The following SBF2 variants were observed in gnomAD, a reference collection of about 807,000 sequenced individuals.
SBF2 encodes the protein SET binding factor 2.
SBF2 carries 112 observed loss-of-function variants against 225.2 expected under a neutral mutation model. The ratio of observed to expected loss-of-function variants is 0.50; its 90% CI spans 0.43 to 0.58. The LOEUF (loss-of-function observed/expected upper bound fraction) is 0.58, where lower values mean the gene tolerates loss of function less well. Among genes scored for constraint, SBF2 ranks in the 20% least tolerant of loss-of-function variants. The pLI is 0.00. For missense variants in SBF2, 1,996 were observed against 2,206.2 expected (o/e 0.90, Z 1.91); for synonymous variants, 763 against 773.3 (o/e 0.99, Z 0.22).
chr11:9,930,202 T>C (rs1413207883), intron 16 of SBF2, among the ~76,000 whole-genome samples: 2 of 152,172 alleles, frequency 1.3e-5, no homozygotes, highest in East Asian at 3.8e-4. Flanking sequence ...TTGAGCCTAG[T>C]TATAATGATT....
In SBF2 at chr11:9,808,949, A is replaced by G. The variant is rs765140117; in HGVS notation, c.4209T>C (p.Gly1403=). ...AVVVSEVLEN[G]SSVLVCLEEG... is the part of the protein sequence containing the mutation. ...CCTCCAAACAGACCAAAACTGAGGAACCATTCTCAAGTACTTCTGATACAA... is the reference window on the plus strand; with the variant it reads ...CCTCCAAACAGACCAAAACTGAGGAGCCATTCTCAAGTACTTCTGATACAA... Residue 1403 remains glycine, a synonymous_variant, in exon 31 of 40, where the codon GGT becomes GGC. Transcript: ENST00000256190. 2.0e-5 allele frequency: 32 copies of G among 1,614,066 alleles called. No individual in the cohort carries two copies. The South Asian group carries it at 3.3e-4, about 17-fold the overall frequency.
chr11:10,087,927 G>A (rs943291829), intron 2 of SBF2, among the ~76,000 whole-genome samples: 1 of 152,044 alleles, frequency 6.6e-6, no homozygotes, highest in African/African-American at 2.4e-5. Context: ...TTTGTTGCAG[G>A]TGTTTTTTGA....
At chr11:10,172,839 A>G (rs1227817875) in intron 2 of SBF2, among the ~76,000 whole-genome samples, 1 of 151,226 alleles carries the variant, frequency 6.6e-6, no homozygotes, top group Non-Finnish European at 1.5e-5. Flanking sequence ...GCTAATTTTT[A>G]TATTTTTTAG....
intron 13 of SBF2, among the ~76,000 whole-genome samples, chr11:9,971,522 A>G (rs1867327023): frequency 6.6e-6 from 1 of 152,028 alleles, no homozygotes; most frequent in Non-Finnish European, 1.5e-5. Flanking sequence ...CTACAAAAAA[A>G]TAAAAAATTA....
chr11:10,165,320 A>C (rs1955904533), intron 2 of SBF2, among the ~76,000 whole-genome samples: 1 of 152,192 alleles, frequency 6.6e-6, no homozygotes, highest in Admixed American at 6.5e-5. Flanking sequence ...ACAGATATTA[A>C]TCCAGTGTGA....
rs761339319 is a variant in SBF2 at position 9,839,710 on chromosome 11, G to A, written c.3257-14C>T. On this transcript the variant is annotated splice_polypyrimidine_tract_variant and intron_variant, in intron 25 of 39. Coordinates refer to ENST00000256190, the MANE Select transcript of SBF2 (RefSeq NM_030962.4). Reference sequence around the variant, plus strand: ...TCTCATCTGAAACTGTGATGGTAGAGACAGATATCGAAGAAATGATTAGCT... The same window carrying A: ...TCTCATCTGAAACTGTGATGGTAGAAACAGATATCGAAGAAATGATTAGCT... 3 of 1,608,204 alleles carry A rather than the reference G, an allele frequency of 1.9e-6. No individual in the cohort carries two copies. The highest frequency in any genetic ancestry group is 1.7e-6 in the Non-Finnish European group (2 of 1,175,652).
chr11:10,125,913 T>C, intron 2 of SBF2, among the ~76,000 whole-genome samples: 1 of 152,208 alleles, frequency 6.6e-6, no homozygotes, highest in East Asian at 1.9e-4. Context: ...TTTTCTGTGT[T>C]CTCATGCCTA....
At chr11:10,057,095 C>T (rs1392655918) in intron 2 of SBF2, among the ~76,000 whole-genome samples, 3 of 152,154 alleles carry the variant, frequency 2.0e-5, no homozygotes, top group Non-Finnish European at 4.4e-5. Flanking sequence ...GTTTCACAGC[C>T]TTCACTGGTG....
chr11:9,820,893 C>G (rs890370498), intron 28 of SBF2, among the ~76,000 whole-genome samples: 1 of 152,230 alleles, frequency 6.6e-6, no homozygotes, highest in African/African-American at 2.4e-5. Context: ...CAAACAGCTA[C>G]AGTTAAAAGG....
chr11:9,789,932 G>C (rs1179201952), intron 34 of SBF2, among the ~76,000 whole-genome samples: 2 of 152,224 alleles, frequency 1.3e-5, no homozygotes, highest in East Asian at 3.9e-4. Context: ...ATGTACCTTT[G>C]GTTTCTTGTA....
chr11:9,995,020 G>A lies in SBF2; in HGVS notation c.976-1022C>T, dbSNP rs185216715. Among the ~76,000 whole-genome samples, 409 of 141,824 alleles carry A rather than the reference G, an allele frequency of 2.9e-3. 2 individuals are homozygous for A. Among genetic ancestry groups the A allele is most frequent in the Non-Finnish European group, 4.6e-3 (302 of 66,144 alleles). 93.0% of individuals were successfully genotyped at this position (141,824 alleles called of 152,430 possible). The stretch of plus-strand genomic sequence containing the variant: ...CCACTGCACTCCAGCCTGGGCGACA[G>A]TTATAACAAGACTCTGTCTCAAAAA... On this transcript the variant is annotated intron_variant, in intron 9 of 39. Coordinates refer to ENST00000256190, the MANE Select transcript of SBF2 (RefSeq NM_030962.4).
At chr11:10,186,569 A>G (rs1002738627) in intron 2 of SBF2, among the ~76,000 whole-genome samples, 2 of 152,128 alleles carry the variant, frequency 1.3e-5, no homozygotes, top group African/African-American at 4.8e-5. Context: ...GTGTTCATCA[A>G]CCCAAAAGCT....
At chr11:10,253,118 C>CAAAAAAAAAAAAAAAAAAAA (rs546522229) in intron 1 of SBF2, among the ~76,000 whole-genome samples, 2 of 77,288 alleles carry the variant, frequency 2.6e-5, no homozygotes, top group African/African-American at 5.0e-5. Context: ...AGGTAAATAC[C>CAAAAAAAAAAAAAAAAAAAA]AAAAAAAAAA....
At chr11:9,941,669 T>C (rs1044050202) in intron 16 of SBF2, among the ~76,000 whole-genome samples, 4 of 152,198 alleles carry the variant, frequency 2.6e-5, no homozygotes, top group African/African-American at 9.6e-5. Flanking sequence ...AATAACCTGA[T>C]AGCAAATATC....
intron 28 of SBF2, among the ~76,000 whole-genome samples, chr11:9,822,151 A>G (rs866477064): frequency 3.3e-5 from 5 of 152,218 alleles, no homozygotes; most frequent in African/African-American, 1.2e-4. Flanking sequence ...TTAAAAGTCT[A>G]TATTATTTTT....
At chr11:9,912,410 C>A (rs1022997416) in intron 16 of SBF2, among the ~76,000 whole-genome samples, 3 of 151,614 alleles carry the variant, frequency 2.0e-5, no homozygotes, top group Non-Finnish European at 4.4e-5. Context: ...CATGGTGAAA[C>A]CCCATCTCTA....
Position 10,303,225 on chromosome 11 carries a change from A to AGCCGGGCGGCCGGATCCAGACCAGTGC in SBF2, n.386+1240_386+1266dup. 6.6e-6 allele frequency: 1 copy of AGCCGGGCGGCCGGATCCAGACCAGTGC among 152,202 alleles called. No individual in the cohort carries two copies. The allele number at this position is 152,202 out of a possible 1,614,324, so 9.4% of individuals were successfully genotyped here. A position where few individuals can be genotyped will look rare whatever the true frequency, so the allele number is the denominator to read the frequency against. On this transcript the variant is annotated intron_variant and non_coding_transcript_variant, in intron 1 of 5. Transcript: ENST00000685217. This position sits in a 1 kb window ranked among gnomAD's most constrained non-coding sequence, Gnocchi z 5.2. The stretch of plus-strand genomic sequence containing the variant: ...CCACTTCGGTGACTGCCCTGCGCCC[A>AGCCGGGCGGCCGGATCCAGACCAGTGC]GCCGGGCGGCCGGATCCAGACCAGT...
intron 2 of SBF2, among the ~76,000 whole-genome samples, chr11:10,064,980 C>G (rs1950579334): frequency 6.6e-6 from 1 of 152,132 alleles, no homozygotes; most frequent in African/African-American, 2.4e-5. Flanking sequence ...GCATTCTTCT[C>G]AAGTACATCT....
intron 2 of SBF2, among the ~76,000 whole-genome samples, chr11:10,072,577 A>G (rs1414354434): frequency 1.3e-5 from 2 of 152,124 alleles, no homozygotes; most frequent in African/African-American, 2.4e-5. Context: ...TTCCATTTCA[A>G]TTCCTTTTCC....
Sources: gnomAD v4.1 joint callset for allele counts (sites outside exome capture counted in the v4.1 genomes callset) on GRCh38, gnomAD v4.1.1 for gene constraint, Gnocchi (gnomAD v3.1) non-coding constraint, MANE v1.5 for transcripts, NCBI Gene and HGNC (gene_info 2026-07-23, HGNC 2026-07-21) for gene names.